PRKG1: variants seen among roughly 807,000 people sequenced by gnomAD.
The protein encoded by PRKG1 is protein kinase cGMP-dependent 1, also known as cGMP-dependent protein kinase 1.
PRKG1 carries 35 observed loss-of-function variants against 88.1 expected under a neutral mutation model. The observed-to-expected ratio is 0.40, with a 90% CI of 0.30 to 0.53. The LOEUF is 0.53. Among genes scored for constraint, PRKG1 ranks in the 20% least tolerant of loss-of-function variants. The pLI, the probability that PRKG1 is intolerant of heterozygous loss-of-function variation, is 0.59. For synonymous variants in PRKG1, 303 were observed against 292.5 expected, an observed-to-expected ratio of 1.04 and a Z score of -0.37; for missense variants, 540 against 839.8, an observed-to-expected ratio of 0.64 and a Z score of 4.41.
intron 6 of PRKG1, among the ~76,000 whole-genome samples, chr10:52,057,404 T>C (rs1445144402): frequency 6.6e-6 from 1 of 152,218 alleles, no homozygotes; most frequent in Admixed American, 6.5e-5. Context: ...CAGTTAGTTC[T>C]CTACACTTCA....
intron 1 of PRKG1, among the ~76,000 whole-genome samples, chr10:51,095,206 ACT>A (rs1264663782): frequency 2.0e-5 from 3 of 151,984 alleles, no homozygotes; most frequent in African/African-American, 7.3e-5. Flanking sequence ...CTAGTTCTGT[ACT>A]CTCTCATTTT....
At chr10:51,926,750 G>GTTTTTTT (rs11324214) in intron 5 of PRKG1, among the ~76,000 whole-genome samples, 129 of 141,294 alleles carry the variant, frequency 9.1e-4, no homozygotes, top group African/African-American at 2.9e-3. Context: ...GCCTAGCATA[G>GTTTTTTT]TTTTTTTTTT....
intron 3 of PRKG1, among the ~76,000 whole-genome samples, chr10:51,495,073 A>G (rs1373102194): frequency 6.6e-6 from 1 of 152,022 alleles, no homozygotes; most frequent in African/African-American, 2.4e-5. Context: ...GTTCAAGTCC[A>G]TGGGATGTAC....
chr10:51,038,475 T>C (rs1843380978), intron 1 of PRKG1, among the ~76,000 whole-genome samples: 1 of 152,184 alleles, frequency 6.6e-6, no homozygotes, highest in South Asian at 2.1e-4. Context: ...TTCTTACCCA[T>C]CTCCCAAGCC....
chr10:51,064,071 A>G (rs1564586084), intron 1 of PRKG1, among the ~76,000 whole-genome samples: 1 of 152,142 alleles, frequency 6.6e-6, no homozygotes, highest in African/African-American at 2.4e-5. Context: ...TTAAATCTCA[A>G]TCAGAAACTA....
chr10:51,325,575 C>T (rs761483178), intron 2 of PRKG1, among the ~76,000 whole-genome samples: 13 of 152,140 alleles, frequency 8.5e-5, no homozygotes, highest in African/African-American at 2.4e-4. Context: ...GTTTTCTCTT[C>T]GCTTTGTTGT....
intron 2 of PRKG1, among the ~76,000 whole-genome samples, chr10:51,252,669 A>C (rs1839457968): frequency 6.6e-6 from 1 of 151,830 alleles, no homozygotes; most frequent in Admixed American, 6.6e-5. Flanking sequence ...TAGGAGAAAC[A>C]TGAAATTTTG....
In PRKG1 at chr10:51,165,648, C is replaced by T. The variant is rs566189035; in HGVS notation, c.478+12318C>T. On this transcript the variant is annotated intron_variant, in intron 2 of 17. Coordinates refer to ENST00000373980, the MANE Select transcript of PRKG1 (RefSeq NM_006258.4). ...CCATCAGTGTGCTGTATTCAGGAAACCCATCTCACGTGCAGTGACACACAT... is the reference window on the plus strand; with the variant it reads ...CCATCAGTGTGCTGTATTCAGGAAATCCATCTCACGTGCAGTGACACACAT... 1.8e-4 allele frequency among the ~76,000 whole-genome samples: 28 copies of T among 152,088 alleles called. 1 individual carries two copies. The South Asian group carries it at 5.8e-3, about 32-fold the overall frequency.
At chr10:52,039,394 G>C (rs559919738) in intron 5 of PRKG1, among the ~76,000 whole-genome samples, 15 of 152,216 alleles carry the variant, frequency 9.9e-5, no homozygotes, top group Admixed American at 5.2e-4. Context: ...CATCACTTAA[G>C]GCAAGGACTG....
At chr10:51,496,490 ACCCTTG>A (rs1226608304) in intron 3 of PRKG1, among the ~76,000 whole-genome samples, 1 of 152,056 alleles carries the variant, frequency 6.6e-6, no homozygotes, top group African/African-American at 2.4e-5. Context: ...TTTTAGAATC[ACCCTTG>A]GGCCCTGTTT....
chr10:51,401,511 G>A (rs1298184200), intron 2 of PRKG1, among the ~76,000 whole-genome samples: 1 of 152,146 alleles, frequency 6.6e-6, no homozygotes, highest in African/African-American at 2.4e-5. Flanking sequence ...CCACCCCTCT[G>A]TCACCAGTTC....
intron 1 of PRKG1, among the ~76,000 whole-genome samples, chr10:51,016,673 C>CTTCTTTCT (rs1564571435): frequency 2.8e-4 from 10 of 35,192 alleles, no homozygotes; most frequent in South Asian, 2.2e-3. Context: ...ATTATCCTTT[C>CTTCTTTCT]TTTTTTTTTT....
intron 4 of PRKG1, among the ~76,000 whole-genome samples, chr10:51,864,560 T>C (rs991105031): frequency 1.3e-5 from 2 of 152,196 alleles, no homozygotes; most frequent in Non-Finnish European, 2.9e-5. Flanking sequence ...TTTTTTATGC[T>C]CCATTAAGCA....
chr10:51,444,845 A>T (rs1839223238), intron 2 of PRKG1, among the ~76,000 whole-genome samples: 2 of 151,958 alleles, frequency 1.3e-5, no homozygotes, highest in South Asian at 4.1e-4. Context: ...CTTCAAAACT[A>T]ATGGAGATAT....
intron 1 of PRKG1, among the ~76,000 whole-genome samples, chr10:50,994,709 T>C (rs545042648): frequency 2.1e-4 from 32 of 152,080 alleles, no homozygotes; most frequent in African/African-American, 6.7e-4. Context: ...ACCCAGTTTT[T>C]ATACCAACAA....
rs1227490181 is a variant in PRKG1, at chr10:52,256,395, A to G, written c.1173+4729A>G. Among the ~76,000 whole-genome samples, 2 of 139,386 alleles carry G rather than the reference A, an allele frequency of 1.4e-5. 1 individual carries two copies. Among genetic ancestry groups the G allele is most frequent in the Non-Finnish European group, 3.2e-5 (2 of 61,624 alleles). The allele number at this position is 139,386 out of a possible 152,430, so 91.4% of individuals were successfully genotyped here. A position where few individuals can be genotyped will look rare whatever the true frequency, so the allele number is the denominator to read the frequency against. On this transcript the variant is annotated intron_variant, in intron 10 of 17. Transcript: ENST00000373980. ...AATCCGACAGTGTAACATGGTAGCT[A>G]GAAGCTAGAGCTCTAGAATTAGGCT...
At chr10:51,998,025 C>G (rs1400835968) in intron 5 of PRKG1, among the ~76,000 whole-genome samples, 2 of 152,026 alleles carry the variant, frequency 1.3e-5, no homozygotes, top group African/African-American at 4.8e-5. Context: ...ATTTTTTATT[C>G]TAGGTTTTTG....
intron 3 of PRKG1, among the ~76,000 whole-genome samples, chr10:51,504,183 G>T (rs547117860): frequency 6.6e-6 from 1 of 152,176 alleles, no homozygotes; most frequent in South Asian, 2.1e-4. Context: ...TTGCTGCCTA[G>T]ATTTTAAAGG....
intron 2 of PRKG1, among the ~76,000 whole-genome samples, chr10:51,160,893 T>TGTGTGTGG (rs984080681): frequency 1.4e-4 from 19 of 133,110 alleles, no homozygotes; most frequent in Admixed American, 1.0e-3. Flanking sequence ...TGTGTGTGTG[T>TGTGTGTGG]GTCTGTGTGT....
Sources: allele counts gnomAD v4.1 joint callset (sites outside exome capture counted in the v4.1 genomes callset), GRCh38; gene constraint gnomAD v4.1.1; transcripts MANE v1.5; gene names NCBI Gene and HGNC (gene_info 2026-07-23, HGNC 2026-07-21).